The following TET2 variants were observed in gnomAD, a reference collection of about 807,000 sequenced individuals.
The protein encoded by TET2 is methylcytosine dioxygenase TET2.
Under a neutral mutation model 142.9 loss-of-function variants are expected in TET2, and 299 were observed. The observed-to-expected ratio is 2.09, with a 90% confidence interval of 1.90 to 2.30. The LOEUF (loss-of-function observed/expected upper bound fraction) is 2.30, where lower values mean the gene tolerates loss of function less well. Ranked by LOEUF, TET2 falls within the 30% of genes most tolerant of loss-of-function variation. TET2 has a pLI of 0.00. For missense variants in TET2, 2,418 were observed against 2,378.0 expected (o/e 1.02, Z -0.35); for synonymous variants, 819 against 849.0 (o/e 0.96, Z 0.61).
chr4:105,199,452 A>G (rs1381114266), intron 2 of TET2, among the ~76,000 whole-genome samples: 2 of 152,170 alleles, frequency 1.3e-5, no homozygotes, highest in East Asian at 1.9e-4. Flanking sequence ...TTAACTTACA[A>G]TTTATTAATT....
At position 105,159,325 on chromosome 4, in the gene TET2, G is replaced by A. The variant is rs75878884; in HGVS notation, c.-193+12346G>A. ...TGGAGTGCAGTGGCGCCGCGATCTC[G>A]GCTCACTGCAACCTCCGCCTCACCG... On this transcript the variant is annotated intron_variant, in intron 1 of 10. Coordinates refer to ENST00000380013, the MANE Select transcript of TET2 (RefSeq NM_001127208.3). Among the ~76,000 whole-genome samples the A allele has an allele frequency of 3.6e-3, 534 of 147,752 alleles. 1 individual carries two copies. The highest frequency in any genetic ancestry group is 0.013 in the African/African-American group (505 of 39,806).
At chr4:105,210,842 C>T (rs964013193) in intron 2 of TET2, among the ~76,000 whole-genome samples, 29 of 152,276 alleles carry the variant, frequency 1.9e-4, no homozygotes, top group Middle Eastern at 3.4e-3. Context: ...TGTATTACTG[C>T]GGTCTCTAAA....
chr4:105,239,253 G>C lies in TET2; in HGVS notation c.3409+1902G>C, dbSNP rs984186196. ...AATTTTCAGAATGGTAAATGAGTAT[G>C]GGCTTCAACTTAAAATCATCAACTG... On this transcript the variant is annotated intron_variant, in intron 3 of 10. Transcript: ENST00000380013. 4 of 241,358 alleles carry C rather than the reference G, an allele frequency of 1.7e-5. No individual in the cohort carries two copies. The Admixed American group carries it at 2.3e-4, about 14-fold the overall frequency. 15.0% of individuals were successfully genotyped at this position (241,358 alleles called of 1,614,324 possible). A position where few individuals can be genotyped will look rare whatever the true frequency, so the allele number is the denominator to read the frequency against.
chr4:105,205,900 C>G (rs1353574184), intron 2 of TET2, among the ~76,000 whole-genome samples: 1 of 152,194 alleles, frequency 6.6e-6, no homozygotes, highest in East Asian at 1.9e-4. Flanking sequence ...TCCTAAAGTG[C>G]TAGGATTACA....
At chr4:105,163,852 AGAGTGTGTGT>A (rs1724008010) in intron 1 of TET2, among the ~76,000 whole-genome samples, 1 of 105,816 alleles carries the variant, frequency 9.5e-6, no homozygotes, top group Non-Finnish European at 2.0e-5. Context: ...AGAGAGAGAG[AGAGTGTGTGT>A]GTGTGTGTGT....
intron 6 of TET2, 67 bp downstream of exon 6, chr4:105,243,845 A>G (rs764328581): frequency 6.4e-5 from 91 of 1,423,948 alleles, no homozygotes; most frequent in Non-Finnish European, 7.6e-5. Context: ...CTTTGGTTGA[A>G]AGGAAGAGAG....
At chr4:105,226,611 C>CTCCTTCCCTCCCTCTG (rs1300804952) in intron 2 of TET2, among the ~76,000 whole-genome samples, 4 of 151,024 alleles carry the variant, frequency 2.6e-5, no homozygotes, top group African/African-American at 7.3e-5. Context: ...CCCTCCCTCT[C>CTCCTTCCCTCCCTCTG]TCCTTCCCTC....
rs374878611 is a variant in TET2, at chr4:105,275,234, C to T, written c.4724C>T (p.Pro1575Leu). ...STNPYMRRPN[P>L]VSPYPNSSHT... is the part of the protein sequence containing the mutation. The stretch of plus-strand genomic sequence containing the variant: ...AATCCATACATGAGACGGCCCAATC[C>T]AGTTAGTCCTTATCCAAACTCTTCA... Residue 1575 changes from proline (P) to leucine (L), a missense_variant, in exon 11 of 11, where the codon CCA becomes CTA. Pro to Leu is a moderately conservative substitution (Grantham distance 98). Transcript: ENST00000380013. The T allele has an allele frequency of 5.5e-5, 86 of 1,552,344 alleles. 1 individual carries two copies. In the African/African-American group the frequency reaches 1.1e-3, roughly 19 times the overall value.
At chr4:105,228,491 C>T (rs1424322448) in intron 2 of TET2, among the ~76,000 whole-genome samples, 4 of 151,864 alleles carry the variant, frequency 2.6e-5, no homozygotes, top group African/African-American at 9.7e-5. Flanking sequence ...AGGATTTGCC[C>T]TTGACACTTT....
chr4:105,216,602 T>C lies in TET2; in HGVS notation c.-46-17295T>C, dbSNP rs575218070. On this transcript the variant is annotated intron_variant, in intron 2 of 10. Coordinates refer to ENST00000380013, the MANE Select transcript of TET2 (RefSeq NM_001127208.3). ...GCTTCTGATTTACATTTATATATTA[T>C]ATTCAAATATAAACTTTAAAAGTAA... is the stretch of plus-strand genomic sequence containing the variant. Among the ~76,000 whole-genome samples the C allele has an allele frequency of 6.1e-4, 93 of 152,210 alleles. 1 individual carries two copies. In the South Asian group the frequency reaches 0.018, roughly 30 times the overall value.
chr4:105,238,387 A>G (rs1020190945), intron 3 of TET2: 1 of 240,484 alleles, frequency 4.2e-6, no homozygotes, highest in African/African-American at 2.2e-5. Context: ...GTAGCATGCA[A>G]TGCTGTTTGA....
At chr4:105,229,209 G>A (rs1011066155) in intron 2 of TET2, among the ~76,000 whole-genome samples, 30 of 152,274 alleles carry the variant, frequency 2.0e-4, no homozygotes, top group Admixed American at 1.4e-3. Context: ...TATGTGACTA[G>A]TCACTGTTGG....
chr4:105,240,975 T>A (rs1729263902), intron 3 of TET2: 1 of 1,085,232 alleles, frequency 9.2e-7, no homozygotes, highest in African/African-American at 1.6e-5. Context: ...AGGCTTCCAG[T>A]TAGCTTTAAA....
chr4:105,226,311 G>A (rs1728186580), intron 2 of TET2, among the ~76,000 whole-genome samples: 1 of 152,112 alleles, frequency 6.6e-6, no homozygotes, highest in Non-Finnish European at 1.5e-5. Flanking sequence ...AATGGTACTA[G>A]ATCCTTGCTG....
intron 1 of TET2, among the ~76,000 whole-genome samples, chr4:105,178,542 A>G (rs1354413654): frequency 2.6e-5 from 4 of 152,224 alleles, no homozygotes; most frequent in Non-Finnish European, 5.9e-5. Flanking sequence ...AACCACCAAT[A>G]GTGAACCCTA....
intron 1 of TET2, among the ~76,000 whole-genome samples, chr4:105,149,800 C>T (rs1308536638): frequency 2.0e-5 from 3 of 152,160 alleles, no homozygotes; most frequent in Non-Finnish European, 4.4e-5. Context: ...ATGCCAGAAG[C>T]CGGAGGAATT....
chr4:105,209,360 A>T (rs1358566919), intron 2 of TET2, among the ~76,000 whole-genome samples: 1 of 151,926 alleles, frequency 6.6e-6, no homozygotes, highest in Non-Finnish European at 1.5e-5. Flanking sequence ...AGGAAATCTG[A>T]AATTTCAGTT....
intron 6 of TET2, among the ~76,000 whole-genome samples, chr4:105,255,792 A>G (rs1438206757): frequency 2.6e-5 from 4 of 152,128 alleles, no homozygotes; most frequent in African/African-American, 9.6e-5. Context: ...TTCAATTTAT[A>G]TACATTTAAC....
At chr4:105,233,378 C>T (rs113496842) in intron 2 of TET2, among the ~76,000 whole-genome samples, 8,577 of 32,590 alleles carry the variant, frequency 0.26, 1,146 homozygotes, top group African/African-American at 0.55. Flanking sequence ...AGTGAGACTC[C>T]ATCTCAAAAA....
Sources: allele counts gnomAD v4.1 joint callset (sites outside exome capture counted in the v4.1 genomes callset), GRCh38; gene constraint gnomAD v4.1.1; transcripts MANE v1.5; gene names NCBI Gene and HGNC (gene_info 2026-07-23, HGNC 2026-07-21).